The following TENM3 variants were observed in gnomAD, a reference collection of about 807,000 sequenced individuals.
TENM3 encodes teneurin transmembrane protein 3, also known as teneurin-3.
Under a neutral mutation model 255.1 loss-of-function variants are expected in TENM3, and 63 were observed. That is an observed-to-expected ratio of 0.25 (90% CI 0.20 to 0.30). The LOEUF is 0.30. TENM3 is among the 10% of genes least tolerant of loss of function. TENM3 has a pLI of 1.00. For synonymous variants in TENM3, 1,306 were observed against 1,322.3 expected (o/e 0.99, Z 0.27); for missense variants, 2,929 against 3,461.1 (o/e 0.85, Z 3.86).
rs1018355023 is a variant in TENM3 at position 182,195,106 on chromosome 4, C to T, written c.-76+50352C>T. ...AGGACTTCTTTATAATAGTTCTATT[C>T]AAGCAAGCCATGTAGGAGAAATGTT... On this transcript the variant is annotated intron_variant, in intron 1 of 2. Transcript: ENST00000512480. Among the ~76,000 whole-genome samples, 197 of 151,422 alleles carry T rather than the reference C, an allele frequency of 1.3e-3. 2 individuals are homozygous for T. The highest frequency in any genetic ancestry group is 4.5e-3 in the African/African-American group (184 of 41,136).
intron 5 of TENM3, among the ~76,000 whole-genome samples, chr4:182,646,603 G>C (rs1189336890): frequency 1.3e-5 from 2 of 152,098 alleles, no homozygotes; most frequent in African/African-American, 4.8e-5. Context: ...TTAGCTGGAT[G>C]TGGTGGCGGG....
chr4:182,461,831 G>T (rs1436823615), intron 3 of TENM3, among the ~76,000 whole-genome samples: 2 of 152,192 alleles, frequency 1.3e-5, no homozygotes, highest in African/African-American at 4.8e-5. Context: ...GACCCAGAAA[G>T]ACCAAGTGAC....
intron 2 of TENM3, among the ~76,000 whole-genome samples, chr4:182,329,264 G>A (rs1020661191): frequency 6.6e-6 from 1 of 152,166 alleles, no homozygotes; most frequent in Non-Finnish European, 1.5e-5. Flanking sequence ...AAGCCCTAAC[G>A]TGAAGGTCAA....
intron 5 of TENM3, among the ~76,000 whole-genome samples, chr4:182,651,557 C>T (rs991090584): frequency 7.2e-5 from 11 of 152,112 alleles, no homozygotes; most frequent in Admixed American, 1.3e-4. Context: ...ATTAGCTGGG[C>T]GTGGCGGCGT....
At chr4:181,581,498 G>C in the TENM3 span, among the ~76,000 whole-genome samples, 6 of 151,962 alleles carry the variant, frequency 3.9e-5, no homozygotes, top group African/African-American at 1.4e-4. Flanking sequence ...CAAATATCCC[G>C]GTTTTCCTAC....
chr4:182,410,705 T>C (rs1041149196), intron 3 of TENM3, among the ~76,000 whole-genome samples: 2 of 152,060 alleles, frequency 1.3e-5, no homozygotes, highest in African/African-American at 2.4e-5. Flanking sequence ...AGAAATCGTC[T>C]TAACCACGAG....
chr4:182,362,186 G>A (rs1225744655), intron 3 of TENM3, among the ~76,000 whole-genome samples: 1 of 152,128 alleles, frequency 6.6e-6, no homozygotes, highest in Non-Finnish European at 1.5e-5. Flanking sequence ...CCCACTTGAG[G>A]AGGCAGTCTG....
At chr4:181,697,422 C>A in the TENM3 span, among the ~76,000 whole-genome samples, 1 of 152,162 alleles carries the variant, frequency 6.6e-6, no homozygotes, top group East Asian at 1.9e-4. Context: ...GTTTGACAGT[C>A]TTGCTCTGTC....
chr4:181,469,490 T>C, the TENM3 span, among the ~76,000 whole-genome samples: 1 of 152,174 alleles, frequency 6.6e-6, no homozygotes, highest in Non-Finnish European at 1.5e-5. Context: ...CTTATTAACA[T>C]TTTATTTTAG....
At chr4:181,648,133 A>G in the TENM3 span, among the ~76,000 whole-genome samples, 1 of 152,166 alleles carries the variant, frequency 6.6e-6, no homozygotes, top group Admixed American at 6.5e-5. Flanking sequence ...AGCACTGGCC[A>G]TATTGGAGAC....
chr4:182,083,565 G>A, the TENM3 span, among the ~76,000 whole-genome samples: 1 of 152,054 alleles, frequency 6.6e-6, no homozygotes, highest in Non-Finnish European at 1.5e-5. Context: ...GACGTTAAAG[G>A]CATTGTTAAC....
At chr4:182,677,448 G>A (rs529239135) in intron 7 of TENM3, among the ~76,000 whole-genome samples, 211 of 152,274 alleles carry the variant, frequency 1.4e-3, no homozygotes, top group Non-Finnish European at 2.2e-3. Context: ...ATGTTTATAT[G>A]CTTCGGTCAT....
At chr4:182,137,342 C>CT in the TENM3 span, among the ~76,000 whole-genome samples, 4 of 151,688 alleles carry the variant, frequency 2.6e-5, no homozygotes, top group African/African-American at 9.7e-5. Flanking sequence ...CTCCCCCCCC[C>CT]CAAAAAGGAA....
chr4:182,267,715 T>TAAA (rs55836214), intron 1 of TENM3, among the ~76,000 whole-genome samples: 1 of 135,832 alleles, frequency 7.4e-6, no homozygotes, highest in African/African-American at 2.7e-5. Flanking sequence ...AAAGCCAATT[T>TAAA]AAAAAAAAAA....
At chr4:181,607,620 G>T in the TENM3 span, among the ~76,000 whole-genome samples, 3 of 151,764 alleles carry the variant, frequency 2.0e-5, no homozygotes, top group African/African-American at 7.3e-5. Flanking sequence ...GGCCAGGATG[G>T]TCTCGATCTC....
the TENM3 span, among the ~76,000 whole-genome samples, chr4:181,806,533 T>A: frequency 6.6e-6 from 1 of 152,198 alleles, no homozygotes. Context: ...CCTTCCTGGG[T>A]GGTTTCATGC....
intron 3 of TENM3, among the ~76,000 whole-genome samples, chr4:182,546,311 C>T (rs1466158245): frequency 6.6e-6 from 1 of 152,110 alleles, no homozygotes; most frequent in East Asian, 1.9e-4. Context: ...ATTTTTCTTT[C>T]TAGAAAAATT....
the TENM3 span, among the ~76,000 whole-genome samples, chr4:181,812,100 G>T: frequency 2.6e-5 from 4 of 152,050 alleles, no homozygotes; most frequent in Admixed American, 2.6e-4. Context: ...GAACTAAGAG[G>T]CCTAGGTCAA....
At chr4:181,614,669 A>G in the TENM3 span, among the ~76,000 whole-genome samples, 1 of 152,208 alleles carries the variant, frequency 6.6e-6, no homozygotes, top group Non-Finnish European at 1.5e-5. Flanking sequence ...CAGTCTTTGT[A>G]GCTGAGAGAT....
Sources: gnomAD v4.1 joint callset for allele counts (sites outside exome capture counted in the v4.1 genomes callset) on GRCh38, gnomAD v4.1.1 for gene constraint, MANE v1.5 for transcripts, NCBI Gene and HGNC (gene_info 2026-07-23, HGNC 2026-07-21) for gene names.